The following OBP2A variants were observed in gnomAD, a reference collection of about 807,000 sequenced individuals.
OBP2A encodes odorant-binding protein 2a.
A neutral mutation model predicts 21.9 loss-of-function variants in OBP2A; 15 were observed. That is an observed-to-expected ratio of 0.69 (90% CI 0.46 to 1.06). The LOEUF (loss-of-function observed/expected upper bound fraction) is 1.06, where lower values mean the gene tolerates loss of function less well. Among genes scored for constraint, OBP2A ranks in the 50% least tolerant of loss-of-function variants. OBP2A has a pLI of 0.00. For synonymous variants in OBP2A, 86 were observed against 91.8 expected (o/e 0.94, Z 0.36); for missense variants, 192 against 220.1 (o/e 0.87, Z 0.81).
intron 4 of OBP2A, among the ~76,000 whole-genome samples, 195 bp downstream of exon 4, chr9:135,548,176 G>A (rs573902815): frequency 1.3e-3 from 198 of 152,348 alleles, no homozygotes; most frequent in Non-Finnish European, 2.2e-3. Context: ...GGCCAGGCAG[G>A]GACAGACACG....
chr9:135,549,510 C>T, intron 6 of OBP2A, 179 bp downstream of exon 6: 1 of 710,352 alleles, frequency 1.4e-6, no homozygotes, highest in South Asian at 1.8e-5. Context: ...TTCGGGAAGT[C>T]CTTTGTTTTA....
At chr9:135,547,017 C>T (rs1190395696) in intron 2 of OBP2A, 106 bp downstream of exon 2, 5 of 1,576,958 alleles carry the variant, frequency 3.2e-6, no homozygotes, top group Non-Finnish European at 3.5e-6. Flanking sequence ...GGAAGAGTCA[C>T]CCCCTGCCTT....
chr9:135,547,235 C>T lies in OBP2A; in HGVS notation c.264C>T (p.Gly88=), dbSNP rs745455326. The change falls in exon 3 of 7, where the codon GGC becomes GGT. Residue 88 remains glycine (G), a synonymous_variant. Coordinates refer to ENST00000371776, the MANE Select transcript of OBP2A (RefSeq NM_014582.3). ...TGATGCGGAAGACGGAGGAGCCTGG[C>T]AAATTCAGCGCCTGTGAGCCCCTCC... ...KILMRKTEEP[G]KFSAYGGRKL... 1.2e-5 allele frequency: 20 copies of T among 1,613,490 alleles called. No individual in the cohort carries two copies. The Admixed American group carries it at 2.3e-4, about 19-fold the overall frequency.
chr9:135,549,712 C>G, intron 6 of OBP2A, 125 bp from the exon 7 acceptor site: 1 of 644,072 alleles, frequency 1.6e-6, no homozygotes, highest in Non-Finnish European at 2.7e-6. Context: ...TGAGGCTGCT[C>G]TGGAGCCCCG....
At chr9:135,549,437 C>T (rs530359750) in intron 6 of OBP2A, 106 bp downstream of exon 6, 2 of 1,115,248 alleles carry the variant, frequency 1.8e-6, no homozygotes, top group African/African-American at 2.0e-5. Context: ...GCCAGGGAGA[C>T]CCCCCCAGGG....
At chr9:135,546,993 C>G in intron 2 of OBP2A, 82 bp downstream of exon 2, 1 of 1,596,690 alleles carries the variant, frequency 6.3e-7, no homozygotes. Context: ...GCCCCATCCA[C>G]ATTTCGGGTG....
rs967978745 is a variant in OBP2A, at chr9:135,548,762, A to C, written c.443A>C (p.Gln148Pro). The C allele has an allele frequency of 6.2e-7, 1 of 1,613,944 alleles. No homozygotes were observed. Among genetic ancestry groups the C allele is most frequent in the Non-Finnish European group, 8.5e-7 (1 of 1,179,934 alleles). Residue 148 changes from glutamine (Q) to proline (P), a missense_variant, in exon 5 of 7, where the codon CAG becomes CCG. Coordinates refer to ENST00000371776, the MANE Select transcript of OBP2A (RefSeq NM_014582.3). Reference protein sequence around the residue: ...EALEEFKKLVQHKGLSEEDIF... With the variant: ...EALEEFKKLVPHKGLSEEDIF... ...CTGGAAGAATTTAAGAAATTGGTGC[A>C]GCACAAGGGACTCTCGGAGGAGGAC...
chr9:135,549,563 C>T lies in OBP2A; in HGVS notation c.*1+232C>T, dbSNP rs556662513. 8.3e-5 allele frequency: 50 copies of T among 600,910 alleles called. 1 individual carries two copies. The Admixed American group carries it at 1.0e-3, about 13-fold the overall frequency. The allele number at this position is 600,910 out of a possible 1,614,324, so 37.2% of individuals were successfully genotyped here. On this transcript the variant is annotated intron_variant, in intron 6 of 6. Transcript: ENST00000371776. ...AGCCCGAGTGAGGGTCCTCCTCGGC[C>T]TTTCCACAGCGAGGCCTCCCTCCGG...
chr9:135,547,907 C>T lies in OBP2A; in HGVS notation c.314C>T (p.Pro105Leu). 1 of 1,613,252 alleles carries T rather than the reference C, an allele frequency of 6.2e-7. No individual in the cohort carries two copies. The highest frequency in any genetic ancestry group is 8.5e-7 in the Non-Finnish European group (1 of 1,179,662). Residue 105 changes from proline (P) to leucine (L), a missense_variant, in exon 4 of 7, where the codon CCC (proline) becomes CTC (leucine). Transcript: ENST00000371776. ...AAGCTCATATACCTGCAGGAGCTGC[C>T]CGGGACGGACGACTACGTCTTTTAC... Reference protein sequence around the residue: ...GRKLIYLQELPGTDDYVFYCK... With the variant: ...GRKLIYLQELLGTDDYVFYCK...
chr9:135,546,341 CTGAAGGCTGGCTTCTGACCCCGT>C, intron 1 of OBP2A, 89 bp downstream of exon 1: 1 of 798,874 alleles, frequency 1.3e-6, no homozygotes, highest in African/African-American at 2.3e-5. Context: ...GGAGGTGTCA[CTGAAGGCTGGCTTCTGACCCCGT>C]GCTCCCAGCC....
chr9:135,546,937 C>T, intron 2 of OBP2A, 26 bp downstream of exon 2: 4 of 1,610,536 alleles, frequency 2.5e-6, no homozygotes, highest in Non-Finnish European at 3.4e-6. Context: ...TGCAGGGCCC[C>T]TCAGGCCACT....
Position 135,547,887 on chromosome 9 carries a change from CAT to C in OBP2A, c.298_299del (p.Tyr100ProfsTer31), listed in dbSNP as rs370125434. On this transcript the variant is annotated frameshift_variant, in exon 4 of 7. Transcript: ENST00000371776. LOFTEE classifies it high-confidence loss of function. ...KFSAYGGRKLIYLQELPGTDD... is the reference protein window; with the variant it reads ...KFSAYGGRKLXYLQELPGTDD... The stretch of plus-strand genomic sequence containing the variant: ...CATCTACAGATGGGGGCAGGAAGCT[CAT>C]ATACCTGCAGGAGCTGCCCGGGACG... 419 of 1,611,680 alleles carry C rather than the reference CAT, an allele frequency of 2.6e-4. 1 individual carries two copies. In the African/African-American group the frequency reaches 4.8e-3, roughly 19 times the overall value.
rs147866627 is a variant in OBP2A, at chr9:135,547,880, G to T, written c.287G>T (p.Arg96Met). The stretch of plus-strand genomic sequence containing the variant: ...TCTCTGTCATCTACAGATGGGGGCA[G>T]GAAGCTCATATACCTGCAGGAGCTG... Reference protein sequence around the residue: ...EPGKFSAYGGRKLIYLQELPG... With the variant: ...EPGKFSAYGGMKLIYLQELPG... Residue 96 changes from arginine (R) to methionine (M), a missense_variant, in exon 4 of 7, where the codon AGG becomes ATG. Arg to Met is a moderately conservative substitution (Grantham distance 91). Transcript: ENST00000371776. 6.2e-7 allele frequency: 1 copy of T among 1,610,094 alleles called. No homozygotes were observed. Among genetic ancestry groups the T allele is most frequent in the South Asian group, 1.1e-5 (1 of 90,624 alleles).
At chr9:135,547,277 C>G (rs1831966809) in intron 3 of OBP2A, 29 bp downstream of exon 3, 4 of 1,610,142 alleles carry the variant, frequency 2.5e-6, no homozygotes. Context: ...CCCCACTCCC[C>G]ATGCCCAACC....
rs1251283880 is a variant in OBP2A at position 135,546,147 on chromosome 9, G to C, written c.-34G>C. 13 of 1,289,992 alleles carry C rather than the reference G, an allele frequency of 1.0e-5. No individual in the cohort carries two copies. The highest frequency in any genetic ancestry group is 6.5e-5 in the South Asian group (5 of 77,438). The allele number at this position is 1,289,992 out of a possible 1,614,324, so 79.9% of individuals were successfully genotyped here. ...GCACAGCCTTGTTCAGACGCCCAGT[G>C]ACCTGCCGAGGTCGGCAGCACAGAG... On this transcript the variant is annotated 5_prime_UTR_variant, in exon 1 of 7. Transcript: ENST00000371776.
chr9:135,546,129 C>T lies in OBP2A; in HGVS notation c.-52C>T. 9.0e-7 allele frequency: 1 copy of T among 1,112,844 alleles called. No individual in the cohort carries two copies. Among genetic ancestry groups the T allele is most frequent in the Non-Finnish European group, 1.3e-6 (1 of 753,834 alleles). The allele number at this position is 1,112,844 out of a possible 1,614,324, so 68.9% of individuals were successfully genotyped here. A position where few individuals can be genotyped will look rare whatever the true frequency, so the allele number is the denominator to read the frequency against. ...ACATCTCGAGAGGAGCCAGCACAGC[C>T]TTGTTCAGACGCCCAGTGACCTGCC... On this transcript the variant is annotated 5_prime_UTR_variant, in exon 1 of 7. Transcript: ENST00000371776.
chr9:135,546,714 A>C, intron 1 of OBP2A, 64 bp from the exon 2 acceptor site: 1 of 1,540,948 alleles, frequency 6.5e-7, no homozygotes, highest in Non-Finnish European at 8.8e-7. Flanking sequence ...TGCAGGCCTG[A>C]GTGCCAGGGT....
chr9:135,547,617 G>T (rs1201127487), intron 3 of OBP2A, among the ~76,000 whole-genome samples: 1 of 152,246 alleles, frequency 6.6e-6, no homozygotes, highest in Non-Finnish European at 1.5e-5. Context: ...AGCAGCTGCT[G>T]GAGCTGGGAA....
rs1171380969 is a variant in OBP2A at position 135,549,930 on chromosome 9, C to T, written c.*95C>T. The T allele has an allele frequency of 1.3e-6, 2 of 1,540,280 alleles. No individual in the cohort carries two copies. The highest frequency in any genetic ancestry group is 1.2e-5 in the South Asian group (1 of 82,758). ...ACCCTCCAGCCATGACCCTTCCCTG[C>T]TCCCACCCACCTGACTCCAAATAAA... On this transcript the variant is annotated 3_prime_UTR_variant, in exon 7 of 7. Coordinates refer to ENST00000371776, the MANE Select transcript of OBP2A (RefSeq NM_014582.3).
Sources: allele counts gnomAD v4.1 joint callset (sites outside exome capture counted in the v4.1 genomes callset), GRCh38; gene constraint gnomAD v4.1.1; transcripts MANE v1.5; gene names NCBI Gene and HGNC (gene_info 2026-07-23, HGNC 2026-07-21).